SLC16A2: variants seen among roughly 807,000 people sequenced by gnomAD.
SLC16A2 encodes the protein monocarboxylate transporter 8.
A neutral mutation model predicts 27.2 loss-of-function variants in SLC16A2; 3 were observed. The observed-to-expected ratio is 0.11, with a 90% CI of 0.05 to 0.28. The LOEUF (loss-of-function observed/expected upper bound fraction) is 0.28, where lower values mean the gene tolerates loss of function less well. Among genes scored for constraint, SLC16A2 ranks in the 10% least tolerant of loss-of-function variants. SLC16A2 has a pLI of 1.00. For missense variants in SLC16A2, 295 were observed against 458.5 expected, an observed-to-expected ratio of 0.64 and a Z score of 3.26; for synonymous variants, 202 against 187.8, an observed-to-expected ratio of 1.08 and a Z score of -0.62.
rs1395855498 is a variant in SLC16A2, at chrX:74,434,277, A to G, written c.430+12210A>G. 2.7e-5 allele frequency among the ~76,000 whole-genome samples: 3 copies of G among 112,476 alleles called. No individual in the cohort carries two copies. In the East Asian group the frequency reaches 8.3e-4, roughly 31 times the overall value. ...TGCAATTTTCATGTGGTGATGTAGA[A>G]AAAGAGAAATGATTGTGAGGGCAGG... is the stretch of plus-strand genomic sequence containing the variant. On this transcript the variant is annotated intron_variant, in intron 1 of 5. Coordinates refer to ENST00000587091, the MANE Select transcript of SLC16A2 (RefSeq NM_006517.5).
At chrX:74,473,336 C>T in intron 1 of SLC16A2, 1 of 548,296 alleles carries the variant, frequency 1.8e-6, no homozygotes, top group South Asian at 2.3e-5. Context: ...CCTCCATGAC[C>T]ATGATCAAAG....
intron 1 of SLC16A2, among the ~76,000 whole-genome samples, chrX:74,439,657 C>T (rs1469162543): frequency 9.3e-6 from 1 of 107,852 alleles, no homozygotes; most frequent in Non-Finnish European, 1.9e-5. Flanking sequence ...TTTGCCACTG[C>T]TTTTTATTCT....
chrX:74,452,114 C>T (rs774852322), intron 1 of SLC16A2, among the ~76,000 whole-genome samples: 269 of 112,409 alleles, frequency 2.4e-3, no homozygotes, highest in Non-Finnish European at 4.6e-3. Flanking sequence ...GTTGGCAAGC[C>T]CCCAAGGCGC....
At chrX:74,501,019 G>A (rs1264624966) in intron 1 of SLC16A2, among the ~76,000 whole-genome samples, 1 of 104,364 alleles carries the variant, frequency 9.6e-6, no homozygotes, top group Non-Finnish European at 2.0e-5. Flanking sequence ...TGGTGCAAAA[G>A]TAATTGCAGT....
In SLC16A2 at chrX:74,421,834, A is replaced by G. The variant is rs1260477936; in HGVS notation, c.197A>G (p.Glu66Gly). 1 of 1,195,934 alleles carries G rather than the reference A, an allele frequency of 8.4e-7. No homozygotes were observed. Among genetic ancestry groups the G allele is most frequent in the African/African-American group, 1.7e-5 (1 of 57,474 alleles). Residue 66 changes from glutamate to glycine, a missense_variant, in exon 1 of 6, where the codon GAG becomes GGG. Physicochemically the swap from Glu to Gly is moderately conservative, Grantham distance 98 (BLOSUM62 -2). This residue lies in a region of SLC16A2 where 92 missense variants were observed against 85.1 expected (regional missense o/e 1.08). Transcript: ENST00000587091. ...CTACCGGACCCCGCACCCCTGCCGG[A>G]GCTGGAGTTCGAGTCCGAGCGGGTG... ...QPLPDPAPLP[E>G]LEFESERVHE...
chrX:74,474,757 G>C (rs1217281615), intron 1 of SLC16A2, among the ~76,000 whole-genome samples: 4 of 110,589 alleles, frequency 3.6e-5, no homozygotes, highest in Non-Finnish European at 7.6e-5. Flanking sequence ...GCGATAGTTT[G>C]CTGAGAATGA....
chrX:74,490,389 G>A (rs1929804043), intron 1 of SLC16A2, among the ~76,000 whole-genome samples: 1 of 108,562 alleles, frequency 9.2e-6, no homozygotes, highest in Admixed American at 9.9e-5. Flanking sequence ...AGGAGGAACT[G>A]AGCTGTGGCC....
intron 1 of SLC16A2, among the ~76,000 whole-genome samples, chrX:74,520,418 C>T (rs1470695221): frequency 9.0e-6 from 1 of 111,688 alleles, no homozygotes; most frequent in African/African-American, 3.3e-5. Context: ...GTTATAGACA[C>T]TTAAGAGCCT....
chrX:74,474,979 C>A (rs1372313112), intron 1 of SLC16A2, among the ~76,000 whole-genome samples: 1 of 111,245 alleles, frequency 9.0e-6, no homozygotes, highest in African/African-American at 3.3e-5. Flanking sequence ...ATTTATAATC[C>A]TTTGGGTATA....
chrX:74,527,621 A>G (rs1027023154), intron 4 of SLC16A2, among the ~76,000 whole-genome samples: 4 of 112,254 alleles, frequency 3.6e-5, no homozygotes, highest in African/African-American at 1.3e-4. Flanking sequence ...CTTTGTGCCA[A>G]TTCTTGAGGC....
chrX:74,528,812 T>C (rs1930522702), intron 4 of SLC16A2, among the ~76,000 whole-genome samples: 1 of 111,969 alleles, frequency 8.9e-6, no homozygotes, highest in Non-Finnish European at 1.9e-5. Flanking sequence ...CCTCTTTCCA[T>C]ATTTTACTTG....
intron 1 of SLC16A2, among the ~76,000 whole-genome samples, chrX:74,482,189 T>C (rs984353868): frequency 1.8e-5 from 2 of 111,644 alleles, no homozygotes; most frequent in African/African-American, 3.3e-5. Flanking sequence ...ATTCCTCTTA[T>C]ATGTGATAAC....
Position 74,484,521 on chromosome X carries a change from C to T in SLC16A2, c.431-36469C>T, listed in dbSNP as rs1038933439. Among the ~76,000 whole-genome samples the T allele has an allele frequency of 1.8e-5, 2 of 111,235 alleles. 1 individual carries two copies. The highest frequency in any genetic ancestry group is 8.3e-3 in the Middle Eastern group (2 of 240). On this transcript the variant is annotated intron_variant, in intron 1 of 5. Transcript: ENST00000587091. Reference sequence around the variant, plus strand: ...GAATAGGTTGTAAAATGTTTCTTATCGGACTTGAAGTCTGTGTTGATGTTA... The same window carrying T: ...GAATAGGTTGTAAAATGTTTCTTATTGGACTTGAAGTCTGTGTTGATGTTA...
At chrX:74,499,371 C>T (rs1409611867) in intron 1 of SLC16A2, among the ~76,000 whole-genome samples, 12 of 110,470 alleles carry the variant, frequency 1.1e-4, no homozygotes, top group Admixed American at 7.8e-4. Context: ...TTCATCTCCT[C>T]CTCAATATTC....
intron 1 of SLC16A2, among the ~76,000 whole-genome samples, chrX:74,449,397 A>G (rs1018357585): frequency 4.5e-5 from 5 of 112,235 alleles, no homozygotes; most frequent in African/African-American, 1.6e-4. Context: ...CATTCATCGC[A>G]TATCTTGAGT....
chrX:74,466,711 C>T (rs1929258482), intron 1 of SLC16A2, among the ~76,000 whole-genome samples: 1 of 111,752 alleles, frequency 8.9e-6, no homozygotes, highest in Admixed American at 9.5e-5. Flanking sequence ...GTAGGGTCTG[C>T]TGCAAACCCA....
rs1195130779 is a variant in SLC16A2, at chrX:74,511,395, A to G, written c.431-9595A>G. Among the ~76,000 whole-genome samples, 3 of 111,281 alleles carry G rather than the reference A, an allele frequency of 2.7e-5. No individual in the cohort carries two copies. The Admixed American group carries it at 2.9e-4, about 11-fold the overall frequency. On this transcript the variant is annotated intron_variant, in intron 1 of 5. Coordinates refer to ENST00000587091, the MANE Select transcript of SLC16A2 (RefSeq NM_006517.5). ...ACGGGATTTCACCGTGTTAGCTATG[A>G]TGGTCTCTATCTCCTGACTTCGTGA...
chrX:74,467,137 C>T (rs1929266203), intron 1 of SLC16A2, among the ~76,000 whole-genome samples: 1 of 112,269 alleles, frequency 8.9e-6, no homozygotes, highest in South Asian at 3.7e-4. Context: ...TTCTACCTTG[C>T]TGCACTTCTT....
At chrX:74,426,365 G>T (rs1248548509) in intron 1 of SLC16A2, among the ~76,000 whole-genome samples, 1 of 111,997 alleles carries the variant, frequency 8.9e-6, no homozygotes, top group Non-Finnish European at 1.9e-5. Flanking sequence ...GACCATGACT[G>T]ATACTGAAAG....
Sources: gnomAD v4.1 joint callset for allele counts (sites outside exome capture counted in the v4.1 genomes callset) on GRCh38, gnomAD v4.1.1 for gene constraint, gnomAD v4.1.1 regional missense constraint, MANE v1.5 for transcripts, NCBI Gene and HGNC (gene_info 2026-07-23, HGNC 2026-07-21) for gene names.